The following PPP1R9A variants were observed in gnomAD, a reference collection of about 807,000 sequenced individuals.
PPP1R9A encodes the protein protein phosphatase 1 regulatory subunit 9A, also known as neurabin-1.
In PPP1R9A, 59 loss-of-function variants were observed where a neutral mutation model predicts 141.9. The ratio of observed to expected loss-of-function variants is 0.42; its 90% confidence interval spans 0.34 to 0.52. The LOEUF is 0.52. PPP1R9A is among the 20% of genes least tolerant of loss of function. PPP1R9A has a pLI of 0.10. For missense variants in PPP1R9A, 1,444 were observed against 1,611.9 expected (o/e 0.90, Z 1.78); for synonymous variants, 500 against 569.7 (o/e 0.88, Z 1.74).
chr7:95,067,885 A>G (rs77721189), intron 2 of PPP1R9A, among the ~76,000 whole-genome samples: 1 of 152,108 alleles, frequency 6.6e-6, no homozygotes, highest in Admixed American at 6.5e-5. Context: ...CCAAATTTCT[A>G]TCTAGGCCTC....
chr7:95,008,083 C>G (rs752286341), intron 2 of PPP1R9A, among the ~76,000 whole-genome samples: 1 of 150,958 alleles, frequency 6.6e-6, no homozygotes, highest in Non-Finnish European at 1.5e-5. Flanking sequence ...AATAAATAAA[C>G]AAACACACAA....
intron 4 of PPP1R9A, among the ~76,000 whole-genome samples, chr7:95,132,139 T>C (rs890220446): frequency 1.3e-5 from 2 of 152,170 alleles, no homozygotes; most frequent in African/African-American, 2.4e-5. Flanking sequence ...TCCATGAAGA[T>C]AGTTTGACTT....
chr7:94,908,872 AGTTTGGAGACG>A (rs1455402019), intron 1 of PPP1R9A, among the ~76,000 whole-genome samples: 5 of 152,168 alleles, frequency 3.3e-5, no homozygotes, highest in Non-Finnish European at 7.3e-5. Context: ...CCAGGAGCCG[AGTTTGGAGACG>A]GTTTAAGTGA....
rs771931593 is a variant in PPP1R9A at position 95,198,472 on chromosome 7, C to T, written c.1878C>T (p.Ala626=). Residue 626 remains alanine, a synonymous_variant, in exon 6 of 20, where the codon GCC becomes GCT. Coordinates refer to ENST00000433360, the MANE Select transcript of PPP1R9A (RefSeq NM_001166160.2). Reference sequence around the variant, plus strand: ...AACAGCACTATGCCCAGTATGATGCCGACGATGACGAGGTCAGTAGTGCTT... The same window carrying T: ...AACAGCACTATGCCCAGTATGATGCTGACGATGACGAGGTCAGTAGTGCTT... ...LLEQHYAQYD[A]DDDENTVAEL... The T allele has an allele frequency of 5.7e-6, 9 of 1,587,110 alleles. No individual in the cohort carries two copies. The highest frequency in any genetic ancestry group is 1.7e-4 in the Middle Eastern group (1 of 5,898).
chr7:95,069,553 T>C (rs552996404), intron 2 of PPP1R9A, among the ~76,000 whole-genome samples: 1 of 152,132 alleles, frequency 6.6e-6, no homozygotes, highest in Admixed American at 6.6e-5. Context: ...GTTATGTATA[T>C]ACATATTAAT....
At chr7:94,930,088 G>C (rs1793965988) in intron 2 of PPP1R9A, among the ~76,000 whole-genome samples, 1 of 152,084 alleles carries the variant, frequency 6.6e-6, no homozygotes, top group Non-Finnish European at 1.5e-5. Context: ...TGCAAAATAC[G>C]AGGGATGAAC....
intron 2 of PPP1R9A, among the ~76,000 whole-genome samples, chr7:95,068,137 A>AT (rs1813219564): frequency 6.6e-6 from 1 of 152,168 alleles, no homozygotes; most frequent in African/African-American, 2.4e-5. Flanking sequence ...CTCAGCGCCT[A>AT]TTAAGAAGTA....
chr7:95,103,362 C>CTTTT lies in PPP1R9A; in HGVS notation c.1396-7882_1396-7879dup, dbSNP rs897838647. ...GAGTATGTTTGGTTTTTTTTCACTTCTTTTTTTTTTTTTTTTTTGAGACAG... is the reference window on the plus strand; with the variant it reads ...GAGTATGTTTGGTTTTTTTTCACTTCTTTTTTTTTTTTTTTTTTTTTTGAGACAG... On this transcript the variant is annotated intron_variant, in intron 2 of 19. Transcript: ENST00000433360. Among the ~76,000 whole-genome samples the CTTTT allele has an allele frequency of 5.6e-3, 494 of 88,790 alleles. 54 individuals carry two copies. The highest frequency in any genetic ancestry group is 0.022 in the African/African-American group (467 of 21,334). The allele number at this position is 88,790 out of a possible 152,430, so 58.2% of individuals were successfully genotyped here.
At position 95,217,156 on chromosome 7, in the gene PPP1R9A, C is replaced by T. The variant is rs533128317; in HGVS notation, c.1957-8805C>T. The stretch of plus-strand genomic sequence containing the variant: ...AGATATGTCCCAACAATACCTAATT[C>T]ATTGAGAGTTTTTAGCATGAAGCGC... On this transcript the variant is annotated intron_variant, in intron 7 of 19. Coordinates refer to ENST00000433360, the MANE Select transcript of PPP1R9A (RefSeq NM_001166160.2). Among the ~76,000 whole-genome samples, 653 of 152,152 alleles carry T rather than the reference C, an allele frequency of 4.3e-3. 4 individuals are homozygous for T. The highest frequency in any genetic ancestry group is 0.014 in the African/African-American group (588 of 41,542).
intron 2 of PPP1R9A, among the ~76,000 whole-genome samples, chr7:95,087,697 C>T (rs1032195245): frequency 6.6e-6 from 1 of 151,934 alleles, no homozygotes; most frequent in Non-Finnish European, 1.5e-5. Context: ...GAGTTCAAGA[C>T]CAGCCTAGCC....
rs142643808 is a variant in PPP1R9A at position 94,942,803 on chromosome 7, C to CAATAAATA, written c.1395+31342_1395+31349dup. 4.9e-4 allele frequency among the ~76,000 whole-genome samples: 67 copies of CAATAAATA among 137,382 alleles called. 1 individual carries two copies. Among genetic ancestry groups the CAATAAATA allele is most frequent in the Admixed American group, 9.7e-4 (13 of 13,446 alleles). 90.1% of individuals were successfully genotyped at this position (137,382 alleles called of 152,430 possible). A position where few individuals can be genotyped will look rare whatever the true frequency, so the allele number is the denominator to read the frequency against. On this transcript the variant is annotated intron_variant, in intron 2 of 19. Transcript: ENST00000433360. ...TGGGTGACAGAGCAAGACTGTCTCT[C>CAATAAATA]AATAAATAAATAAATAAATAAATAA...
At chr7:95,206,296 A>G (rs983630738) in intron 7 of PPP1R9A, among the ~76,000 whole-genome samples, 1 of 152,196 alleles carries the variant, frequency 6.6e-6, no homozygotes, top group African/African-American at 2.4e-5. Context: ...CAGGCTTGAT[A>G]AAAGATGTTA....
chr7:94,991,167 C>T (rs999890525), intron 2 of PPP1R9A, among the ~76,000 whole-genome samples: 7 of 152,146 alleles, frequency 4.6e-5, no homozygotes, highest in African/African-American at 1.7e-4. Context: ...TATGAGTTCC[C>T]TTATCTCCCC....
intron 7 of PPP1R9A, among the ~76,000 whole-genome samples, chr7:95,210,469 AATT>A (rs1407438116): frequency 1.3e-5 from 2 of 151,782 alleles, no homozygotes; most frequent in African/African-American, 4.8e-5. Context: ...TGTTCAAAAA[AATT>A]TTTTTTTTTT....
chr7:94,980,464 T>C (rs1799965788), intron 2 of PPP1R9A, among the ~76,000 whole-genome samples: 1 of 152,180 alleles, frequency 6.6e-6, no homozygotes, highest in South Asian at 2.1e-4. Flanking sequence ...GTTTATAAAA[T>C]ATTCAGTTTT....
chr7:94,951,981 A>G (rs967861746), intron 2 of PPP1R9A, among the ~76,000 whole-genome samples: 1 of 151,770 alleles, frequency 6.6e-6, no homozygotes, highest in Admixed American at 6.6e-5. Context: ...ATTATACTTT[A>G]AGTTCTGGGA....
At chr7:95,151,975 CTG>C (rs1828778158) in intron 4 of PPP1R9A, among the ~76,000 whole-genome samples, 1 of 64,390 alleles carries the variant, frequency 1.6e-5, no homozygotes, top group Admixed American at 3.2e-4. Flanking sequence ...TTTTTTGAGA[CTG>C]TGTCTCACTC....
chr7:95,013,497 G>GT (rs1383457771), intron 2 of PPP1R9A, among the ~76,000 whole-genome samples: 2 of 152,012 alleles, frequency 1.3e-5, no homozygotes. Flanking sequence ...TTATCCAAAT[G>GT]TTTAAGAACT....
intron 5 of PPP1R9A, among the ~76,000 whole-genome samples, chr7:95,184,584 G>T (rs1224045826): frequency 1.3e-5 from 2 of 152,108 alleles, no homozygotes; most frequent in African/African-American, 4.8e-5. Flanking sequence ...AGTGTACACT[G>T]TTCCCAATGT....
Sources: gnomAD v4.1 joint callset for allele counts (sites outside exome capture counted in the v4.1 genomes callset) on GRCh38, gnomAD v4.1.1 for gene constraint, MANE v1.5 for transcripts, NCBI Gene and HGNC (gene_info 2026-07-23, HGNC 2026-07-21) for gene names.